METTL15: variants seen among roughly 807,000 people sequenced by gnomAD.
The protein encoded by METTL15 is methyltransferase 15, mitochondrial 12S rRNA N4-cytidine.
A neutral mutation model predicts 38.3 loss-of-function variants in METTL15; 34 were observed. That is an observed-to-expected ratio of 0.89 (90% CI 0.68 to 1.18). The LOEUF (loss-of-function observed/expected upper bound fraction) is 1.18, where lower values mean the gene tolerates loss of function less well. Among genes scored for constraint, METTL15 ranks in the 50% most tolerant of loss-of-function variants. The pLI is 0.00. For synonymous variants in METTL15, 162 were observed against 170.9 expected (o/e 0.95, Z 0.41); for missense variants, 438 against 498.4 (o/e 0.88, Z 1.15).
At chr11:28,461,776 G>A (rs1346481824) in intron 6 of METTL15, among the ~76,000 whole-genome samples, 1 of 152,016 alleles carries the variant, frequency 6.6e-6, no homozygotes, top group African/African-American at 2.4e-5. Context: ...GAGAAGATTT[G>A]TGACATGTAT....
Position 28,383,481 on chromosome 11 carries a change from C to T in METTL15, c.*358+21445C>T, listed in dbSNP as rs780393387. On this transcript the variant is annotated intron_variant and NMD_transcript_variant, in intron 5 of 7. Coordinates refer to the METTL15 transcript ENST00000532947. ...GTTTATATTCCTTTGGGTATATAAC[C>T]AATAATAGTATTGCTGGGTTGAATG... Among the ~76,000 whole-genome samples the T allele has an allele frequency of 7.2e-5, 11 of 151,996 alleles. 1 individual carries two copies. Among genetic ancestry groups the T allele is most frequent in the Admixed American group, 5.2e-4 (8 of 15,260 alleles).
At chr11:28,334,074 T>A (rs1454323531), downstream of METTL15, among the ~76,000 whole-genome samples, 1 of 151,866 alleles carries the variant, frequency 6.6e-6, no homozygotes, top group Admixed American at 6.6e-5. Flanking sequence ...TGGGACTTAA[T>A]GGCTAAAAAA....
intron 5 of METTL15, among the ~76,000 whole-genome samples, chr11:28,373,398 T>G (rs1850268089): frequency 6.6e-6 from 1 of 152,236 alleles, no homozygotes; most frequent in South Asian, 2.1e-4. Context: ...TTCATGTGTT[T>G]TTTGGCTGCA....
chr11:28,387,483 A>G (rs1189653600), intron 5 of METTL15, among the ~76,000 whole-genome samples: 2 of 151,946 alleles, frequency 1.3e-5, no homozygotes, highest in Non-Finnish European at 2.9e-5. Flanking sequence ...AAACTACCAA[A>G]ACCGAATTAT....
At chr11:28,339,919 G>C (rs573470218) in intron 3 of METTL15, among the ~76,000 whole-genome samples, 1 of 152,236 alleles carries the variant, frequency 6.6e-6, no homozygotes, top group East Asian at 1.9e-4. Context: ...CAAAAAATCA[G>C]TAAGGGAGAA....
intron 6 of METTL15, chr11:28,526,433 G>C (rs1351230653): frequency 6.6e-6 from 1 of 152,228 alleles, no homozygotes; most frequent in East Asian, 1.9e-4. Flanking sequence ...GCATACAATT[G>C]CTCATAGCAT....
At chr11:28,444,641 C>T (rs1851060822) in intron 6 of METTL15, among the ~76,000 whole-genome samples, 1 of 152,140 alleles carries the variant, frequency 6.6e-6, no homozygotes, top group African/African-American at 2.4e-5. Context: ...TCCATGTTTT[C>T]ATCTATGAAA....
At chr11:28,270,911 C>T (rs1855615366) in intron 4 of METTL15, among the ~76,000 whole-genome samples, 2 of 152,126 alleles carry the variant, frequency 1.3e-5, no homozygotes, top group South Asian at 4.1e-4. Context: ...TTCACTGCCT[C>T]AGTTTCTTCA....
At chr11:28,237,430 C>T (rs927135648) in intron 4 of METTL15, among the ~76,000 whole-genome samples, 2 of 152,148 alleles carry the variant, frequency 1.3e-5, no homozygotes, top group Middle Eastern at 3.2e-3. Flanking sequence ...ACGTAGTTCT[C>T]GAGCCTTGGC....
At chr11:28,467,762 G>C (rs1486798313) in intron 6 of METTL15, among the ~76,000 whole-genome samples, 1 of 152,096 alleles carries the variant, frequency 6.6e-6, no homozygotes, top group African/African-American at 2.4e-5. Context: ...GAGGAAGAAA[G>C]ACAATAAACA....
intron 3 of METTL15, chr11:28,163,231 C>A (rs1850534534): frequency 5.1e-6 from 2 of 394,758 alleles, no homozygotes; most frequent in Non-Finnish European, 8.9e-6. Context: ...GAGAAATATT[C>A]ATGTGGGTGT....
chr11:28,503,873 T>C (rs1311191306), intron 6 of METTL15, among the ~76,000 whole-genome samples: 1 of 151,666 alleles, frequency 6.6e-6, no homozygotes, highest in African/African-American at 2.4e-5. Context: ...ACTGTCCTGA[T>C]AATTTATGAT....
At chr11:28,112,315 T>C (rs1473076156) in intron 2 of METTL15, among the ~76,000 whole-genome samples, 1 of 152,158 alleles carries the variant, frequency 6.6e-6, no homozygotes, top group Non-Finnish European at 1.5e-5. Flanking sequence ...TCAGAAAACA[T>C]TTATTAAGCA....
chr11:28,310,723 T>G (rs920454901), intron 6 of METTL15, among the ~76,000 whole-genome samples: 4 of 152,150 alleles, frequency 2.6e-5, no homozygotes, highest in Non-Finnish European at 5.9e-5. Context: ...TCTGATTTTA[T>G]TCTACATTCT....
chr11:28,395,318 A>G (rs1850556754), intron 5 of METTL15, among the ~76,000 whole-genome samples: 1 of 152,080 alleles, frequency 6.6e-6, no homozygotes. Flanking sequence ...GTGTTAAGGA[A>G]TAGGGATGGC....
At chr11:28,190,971 G>A (rs1426522695) in intron 3 of METTL15, among the ~76,000 whole-genome samples, 2 of 151,278 alleles carry the variant, frequency 1.3e-5, no homozygotes, top group East Asian at 3.9e-4. Context: ...ACTGTATAAT[G>A]GAGTTATAAC....
chr11:28,279,296 T>G (rs1483149184), intron 4 of METTL15, among the ~76,000 whole-genome samples: 2 of 152,140 alleles, frequency 1.3e-5, no homozygotes, highest in Non-Finnish European at 2.9e-5. Context: ...ATACTAACAT[T>G]CGAATTGTGT....
At chr11:28,122,977 T>C (rs1438827727) in intron 3 of METTL15, among the ~76,000 whole-genome samples, 1 of 152,100 alleles carries the variant, frequency 6.6e-6, no homozygotes, top group Non-Finnish European at 1.5e-5. Flanking sequence ...CAAAAAATTA[T>C]GGTTTCATAG....
At chr11:28,490,747 G>GA (rs1326104408) in intron 6 of METTL15, among the ~76,000 whole-genome samples, 1 of 151,974 alleles carries the variant, frequency 6.6e-6, no homozygotes, top group Non-Finnish European at 1.5e-5. Flanking sequence ...AATTACAGGA[G>GA]AAAAAAATAG....
Sources: gnomAD v4.1 joint callset for allele counts (sites outside exome capture counted in the v4.1 genomes callset) on GRCh38, gnomAD v4.1.1 for gene constraint, MANE v1.5 for transcripts, NCBI Gene and HGNC (gene_info 2026-07-23, HGNC 2026-07-21) for gene names.